The following PLCG1 variants were observed in gnomAD, a reference collection of about 807,000 sequenced individuals.
PLCG1 encodes the protein phospholipase C gamma 1.
A neutral mutation model predicts 177.8 loss-of-function variants in PLCG1; 71 were observed. The observed-to-expected ratio is 0.40, with a 90% CI of 0.33 to 0.49. PLCG1 has a LOEUF of 0.49. PLCG1 is among the 20% of genes least tolerant of loss of function. PLCG1 has a pLI of 0.72. For synonymous variants in PLCG1, 658 were observed against 647.9 expected (o/e 1.02, Z -0.24); for missense variants, 1,281 against 1,709.0 (o/e 0.75, Z 4.42).
At position 41,159,516 on chromosome 20, in the gene PLCG1, G is replaced by C. The variant is rs983782812; in HGVS notation, c.218-90G>C. ...CTCTGGGGTTCCTCCCTGAGAGAGA[G>C]TGTAAGAATGAGGAAACCAGGCTGC... On this transcript the variant is annotated intron_variant, in intron 1 of 31. Transcript: ENST00000685551. This position sits in a 1 kb window ranked among gnomAD's most constrained non-coding sequence, Gnocchi z 6.0. The C allele has an allele frequency of 1.4e-5, 19 of 1,348,142 alleles. No individual in the cohort carries two copies. The highest frequency in any genetic ancestry group is 1.8e-5 in the Non-Finnish European group (17 of 966,416). The allele number at this position is 1,348,142 out of a possible 1,614,324, so 83.5% of individuals were successfully genotyped here.
Position 41,162,660 on chromosome 20 carries a change from G to T in PLCG1, c.616G>T (p.Gly206Trp). ...CATGCAGGACCTGGAGCAGCGCAGC[G>T]GGGACATCACCTACGGGCAGTTTGC... ...ERLTDLEQRS[G>W]DITYGQFAQL... The change falls in exon 6 of 32, where the codon GGG becomes TGG. Residue 206 changes from glycine to tryptophan, a missense_variant. Physicochemically the swap from Gly to Trp is radical, Grantham distance 184. Coordinates refer to ENST00000685551, the MANE Select transcript of PLCG1 (RefSeq NM_002660.3). 6.2e-7 allele frequency: 1 copy of T among 1,613,958 alleles called. No homozygotes were observed. The highest frequency in any genetic ancestry group is 2.2e-5 in the East Asian group (1 of 44,886).
chr20:41,170,197 T>A lies in PLCG1; in HGVS notation c.2736T>A (p.Ala912=). ...ASVAHWSLDV[A]ADSQEELQDW... is the part of the protein sequence containing the mutation. ...TGGCCCACTGGTCCCTGGATGTTGC[T>A]GCCGACTCACAGGAGGAGCTGCAGG... Residue 912 remains alanine (A), a synonymous_variant, in exon 24 of 32, where the codon GCT becomes GCA. Coordinates refer to ENST00000685551, the MANE Select transcript of PLCG1 (RefSeq NM_002660.3). The A allele has an allele frequency of 6.2e-7, 1 of 1,614,128 alleles. No individual in the cohort carries two copies.
Position 41,164,055 on chromosome 20 carries a change from T to C in PLCG1, c.1097-26T>C. The C allele has an allele frequency of 1.2e-6, 2 of 1,614,162 alleles. No homozygotes were observed. The highest frequency in any genetic ancestry group is 1.7e-6 in the Non-Finnish European group (2 of 1,180,024). ...GAGGGAAGATGGGAGGCCTGCCCGC[T>C]TGACCATGGTGATGTTGCTCCCCAG... On this transcript the variant is annotated intron_variant, in intron 11 of 31. Transcript: ENST00000685551. The surrounding 1 kb of genome is among the most constrained non-coding windows in gnomAD (Gnocchi z 6.4).
rs185328590 is a variant in PLCG1, at chr20:41,142,490, G to T, written c.217+4632G>T. Among the ~76,000 whole-genome samples the T allele has an allele frequency of 2.5e-4, 38 of 152,324 alleles. No individual in the cohort carries two copies. The East Asian group carries it at 5.2e-3, about 21-fold the overall frequency. ...GGGAGGGAGGCCAGTGAGCTCCTAC[G>T]GTTTGCACAGTTTGCAGGAGAGAGC... On this transcript the variant is annotated intron_variant, in intron 1 of 31. Coordinates refer to ENST00000685551, the MANE Select transcript of PLCG1 (RefSeq NM_002660.3).
chr20:41,170,087 C>T, intron 23 of PLCG1, 25 bp from the exon 24 acceptor site: 2 of 1,589,110 alleles, frequency 1.3e-6, no homozygotes, highest in Non-Finnish European at 1.7e-6. Flanking sequence ...CTATTCCCAG[C>T]TGTTATCTGC....
intron 23 of PLCG1, 27 bp downstream of exon 23, chr20:41,169,553 CACTGTTCCCT>C: frequency 6.4e-7 from 1 of 1,554,530 alleles, no homozygotes; most frequent in East Asian, 2.2e-5. Context: ...TTCTCTTGCC[CACTGTTCCCT>C]AGGGTGAGAT....
At chr20:41,162,919 C>G (rs774185670) in intron 6 of PLCG1, 39 bp from the exon 7 acceptor site, 101 of 1,603,970 alleles carry the variant, frequency 6.3e-5, no homozygotes, top group Non-Finnish European at 8.3e-5. Flanking sequence ...CACATGGCCT[C>G]CCAGGGGTCT....
Position 41,137,743 on chromosome 20 carries a change from C to T in PLCG1, c.102C>T (p.Val34=). 1.4e-5 allele frequency: 18 copies of T among 1,324,674 alleles called. No individual in the cohort carries two copies. The highest frequency in any genetic ancestry group is 1.7e-5 in the Non-Finnish European group (18 of 1,032,278). The allele number at this position is 1,324,674 out of a possible 1,614,324, so 82.1% of individuals were successfully genotyped here. The change falls in exon 1 of 32, where the codon GTC becomes GTT. Residue 34 remains valine (V), a synonymous_variant. Transcript: ENST00000685551. This position sits in a 1 kb window ranked among gnomAD's most constrained non-coding sequence, Gnocchi z 7.3. The part of the protein sequence containing the change: ...HLCRSLEVGT[V]MTLFYSKKSQ... ...GCCGCAGCCTCGAGGTGGGCACCGT[C>T]ATGACTTTGTTCTACTCCAAGAAGT... is the stretch of plus-strand genomic sequence containing the variant.
intron 1 of PLCG1, among the ~76,000 whole-genome samples, chr20:41,155,175 T>C (rs1416795821): frequency 6.6e-6 from 1 of 152,228 alleles, no homozygotes; most frequent in Non-Finnish European, 1.5e-5. Flanking sequence ...TTGTGGCATT[T>C]TGCTTTAATG....
At position 41,162,224 on chromosome 20, in the gene PLCG1, G is replaced by GTTTTGT. The variant is rs1470496950; in HGVS notation, c.513-217_513-212dup. The GTTTTGT allele has an allele frequency of 6.8e-4, 213 of 314,484 alleles. 2 individuals carry two copies. Among genetic ancestry groups the GTTTTGT allele is most frequent in the Admixed American group, 1.1e-3 (21 of 19,206 alleles). 19.5% of individuals were successfully genotyped at this position (314,484 alleles called of 1,614,324 possible). On this transcript the variant is annotated intron_variant, in intron 4 of 31. Coordinates refer to ENST00000685551, the MANE Select transcript of PLCG1 (RefSeq NM_002660.3). ...CCAGAATTACAGGTTTTTTTTGTTT[G>GTTTTGT]TTTTGTTTTTGTTTTTTTTTTTTTT...
At position 41,167,548 on chromosome 20, in the gene PLCG1, G is replaced by A. The variant is rs759969504; in HGVS notation, c.2302-304G>A. On this transcript the variant is annotated intron_variant, in intron 19 of 31. Transcript: ENST00000685551. This position sits in a 1 kb window ranked among gnomAD's most constrained non-coding sequence, Gnocchi z 4.4. ...GCCACTGAACTAAAGCACTGAATAT[G>A]GGTAGTCTGTGAAGGGCCCACCTGC... 6 of 384,464 alleles carry A rather than the reference G, an allele frequency of 1.6e-5. No individual in the cohort carries two copies. Among genetic ancestry groups the A allele is most frequent in the Non-Finnish European group, 2.4e-5 (5 of 207,910 alleles). 23.8% of individuals were successfully genotyped at this position (384,464 alleles called of 1,614,324 possible).
At position 41,144,031 on chromosome 20, in the gene PLCG1, T is replaced by A. The variant is rs1358106657; in HGVS notation, c.217+6173T>A. Among the ~76,000 whole-genome samples, 1 of 152,174 alleles carries A rather than the reference T, an allele frequency of 6.6e-6. No individual in the cohort carries two copies. The highest frequency in any genetic ancestry group is 1.5e-5 in the Non-Finnish European group (1 of 68,028). On this transcript the variant is annotated intron_variant, in intron 1 of 31. Coordinates refer to ENST00000685551, the MANE Select transcript of PLCG1 (RefSeq NM_002660.3). This position sits in a 1 kb window ranked among gnomAD's most constrained non-coding sequence, Gnocchi z 4.1. ...TTTCCTACTTGCTTTCTGTGTTCCT[T>A]CCCTGAGTCTGTACACAGAGGACTG...
At chr20:41,140,773 A>C (rs1457218932) in intron 1 of PLCG1, among the ~76,000 whole-genome samples, 1 of 152,214 alleles carries the variant, frequency 6.6e-6, no homozygotes, top group African/African-American at 2.4e-5. Context: ...TACTGACATA[A>C]ATGAATAAAA....
rs750517696 is a variant in PLCG1 at position 41,174,002 on chromosome 20, C to T, written c.3636C>T (p.Phe1212=). 5 of 1,613,948 alleles carry T rather than the reference C, an allele frequency of 3.1e-6. No homozygotes were observed. Among genetic ancestry groups the T allele is most frequent in the South Asian group, 1.1e-5 (1 of 91,076 alleles). ...LASLLIKIDI[F]PAKQENGDLS... ...CCCTGCTGATCAAGATTGACATTTT[C>T]CCTGCCAAGGTATCTGCAGCAGGGG... Residue 1212 remains phenylalanine (F), a synonymous_variant, in exon 30 of 32, where the codon TTC becomes TTT. Transcript: ENST00000685551. This position sits in a 1 kb window ranked among gnomAD's most constrained non-coding sequence, Gnocchi z 5.8.
chr20:41,165,815 G>C lies in PLCG1; in HGVS notation c.1788G>C (p.Thr596=). The change falls in exon 16 of 32, where the codon ACG becomes ACC. Residue 596 remains threonine (T), a synonymous_variant. Coordinates refer to ENST00000685551, the MANE Select transcript of PLCG1 (RefSeq NM_002660.3). The surrounding 1 kb of genome is among the most constrained non-coding windows in gnomAD (Gnocchi z 6.6). The part of the protein sequence containing the change: ...RESETFVGDY[T]LSFWRNGKVQ... ...GTGAGACCTTCGTGGGCGACTACAC[G>C]CTCTCTTTCTGGTAACACTTCCCAT... is the stretch of plus-strand genomic sequence containing the variant. 1.3e-6 allele frequency: 2 copies of C among 1,584,502 alleles called. No homozygotes were observed. The highest frequency in any genetic ancestry group is 2.3e-5 in the East Asian group (1 of 44,388).
Position 41,162,681 on chromosome 20 carries a change from T to C in PLCG1, c.637T>C (p.Phe213Leu), listed in dbSNP as rs778157478. 1.2e-6 allele frequency: 2 copies of C among 1,613,938 alleles called. No homozygotes were observed. The highest frequency in any genetic ancestry group is 2.2e-5 in the South Asian group (2 of 91,050). Residue 213 changes from phenylalanine to leucine, a missense_variant, in exon 6 of 32, where the codon TTT (phenylalanine) becomes CTT (leucine). Physicochemically the swap from Phe to Leu is conservative, Grantham distance 22. Transcript: ENST00000685551. ...CAGCGGGGACATCACCTACGGGCAG[T>C]TTGCTCAGCTGTACCGCAGCCTCAT... The part of the protein sequence containing the change: ...QRSGDITYGQ[F>L]AQLYRSLMYS...
At position 41,165,901 on chromosome 20, in the gene PLCG1, G is replaced by C. The variant is rs985628214; in HGVS notation, c.1799+75G>C. 79 of 1,243,932 alleles carry C rather than the reference G, an allele frequency of 6.4e-5. No individual in the cohort carries two copies. In the African/African-American group the frequency reaches 1.1e-3, roughly 18 times the overall value. The allele number at this position is 1,243,932 out of a possible 1,614,324, so 77.1% of individuals were successfully genotyped here. A position where few individuals can be genotyped will look rare whatever the true frequency, so the allele number is the denominator to read the frequency against. ...ACATCACATCACCCAGAGATAATCA[G>C]TTAACATTTGAGCCTTTGATCCAGG... On this transcript the variant is annotated intron_variant, in intron 16 of 31. Coordinates refer to ENST00000685551, the MANE Select transcript of PLCG1 (RefSeq NM_002660.3). The surrounding 1 kb of genome is among the most constrained non-coding windows in gnomAD (Gnocchi z 6.6).
At chr20:41,143,895 A>C (rs899542022) in intron 1 of PLCG1, among the ~76,000 whole-genome samples, 1 of 152,228 alleles carries the variant, frequency 6.6e-6, no homozygotes, top group African/African-American at 2.4e-5. Context: ...GTGGCCACTT[A>C]ACAGTATTCA....
rs531662701 is a variant in PLCG1 at position 41,146,577 on chromosome 20, C to A, written c.217+8719C>A. 6.6e-6 allele frequency among the ~76,000 whole-genome samples: 1 copy of A among 152,282 alleles called. No homozygotes were observed. The highest frequency in any genetic ancestry group is 6.5e-5 in the Admixed American group (1 of 15,302). ...AAACTGGTGAGGAGTTGGGCCATGG[C>A]GAGTTTGGCCACTTGTTTGTGTGTG... On this transcript the variant is annotated intron_variant, in intron 1 of 31. Coordinates refer to ENST00000685551, the MANE Select transcript of PLCG1 (RefSeq NM_002660.3). This position sits in a 1 kb window ranked among gnomAD's most constrained non-coding sequence, Gnocchi z 6.3.
Sources: allele counts gnomAD v4.1 joint callset (sites outside exome capture counted in the v4.1 genomes callset), GRCh38; gene constraint gnomAD v4.1.1; non-coding constraint Gnocchi (gnomAD v3.1); transcripts MANE v1.5; gene names NCBI Gene and HGNC (gene_info 2026-07-23, HGNC 2026-07-21).